Variants in NOS1 observed in about 807,000 individuals in gnomAD.
NOS1 encodes nitric oxide synthase 1.
NOS1 carries 51 observed loss-of-function variants against 164.5 expected under a neutral mutation model. That is an observed-to-expected ratio of 0.31 (90% confidence interval 0.25 to 0.39). The LOEUF (loss-of-function observed/expected upper bound fraction) is 0.39. Ranked by LOEUF, NOS1 falls within the 10% of genes least tolerant of loss-of-function variation. NOS1 has a pLI of 1.00. For missense variants in NOS1, 1,362 were observed against 1,885.6 expected, an observed-to-expected ratio of 0.72 and a Z score of 5.14; for synonymous variants, 719 against 745.8, an observed-to-expected ratio of 0.96 and a Z score of 0.59.
At position 117,213,838 on chromosome 12, in the gene NOS1, A is replaced by T. The variant is rs1416054980; in HGVS notation, c.*1471T>A. The T allele has an allele frequency of 9.1e-6, 9 of 985,150 alleles. No individual in the cohort carries two copies. In the South Asian group the frequency reaches 2.8e-4, roughly 31 times the overall value. The allele number at this position is 985,150 out of a possible 1,614,324, so 61.0% of individuals were successfully genotyped here. A position where few individuals can be genotyped will look rare whatever the true frequency, so the allele number is the denominator to read the frequency against. On this transcript the variant is annotated 3_prime_UTR_variant, in exon 29 of 29. Transcript: ENST00000317775. ...TGCCTGACACTAATTTGTAGTATTT[A>T]AAAAAGTATACAAAGGGATCCCTTC...
At chr12:117,360,973 CTGAGGCCGCCCGCTAGGAGGAAAA>C (rs1211647620) in intron 1 of NOS1, among the ~76,000 whole-genome samples, 77 of 152,184 alleles carry the variant, frequency 5.1e-4, no homozygotes, top group African/African-American at 1.7e-3. Context: ...AGCCCCCGGC[CTGAGGCCGCCCGCTAGGAGGAAAA>C]TGAGGCCGCC....
Position 117,243,547 on chromosome 12 carries a change from A to AGCC in NOS1, c.2824-113_2824-112insGGC. On this transcript the variant is annotated intron_variant, in intron 18 of 28. Transcript: ENST00000317775. The surrounding 1 kb of genome is among the most constrained non-coding windows in gnomAD (Gnocchi z 4.3). ...CATTCACCCATCCATCCATCTATCCAACCATCCATCCATCCATCCATCCAT... is the reference window on the plus strand; with the variant it reads ...CATTCACCCATCCATCCATCTATCCAGCCACCATCCATCCATCCATCCATCCAT... 6.7e-6 allele frequency: 8 copies of AGCC among 1,189,670 alleles called. No homozygotes were observed. Among genetic ancestry groups the AGCC allele is most frequent in the African/African-American group, 1.7e-5 (1 of 60,496 alleles). 73.7% of individuals were successfully genotyped at this position (1,189,670 alleles called of 1,614,324 possible). A position where few individuals can be genotyped will look rare whatever the true frequency, so the allele number is the denominator to read the frequency against.
At chr12:117,283,710 G>A (rs1318230581) in intron 7 of NOS1, among the ~76,000 whole-genome samples, 1 of 151,996 alleles carries the variant, frequency 6.6e-6, no homozygotes, top group East Asian at 1.9e-4. Flanking sequence ...ACAAAAATTA[G>A]CTGGGCATGG....
chr12:117,277,239 T>G (rs1873261070), intron 9 of NOS1, among the ~76,000 whole-genome samples: 1 of 151,918 alleles, frequency 6.6e-6, no homozygotes, highest in African/African-American at 2.4e-5. Context: ...GAGAACTGTT[T>G]ACAACTCTAT....
chr12:117,327,831 C>T (rs1343173032), intron 2 of NOS1, among the ~76,000 whole-genome samples: 2 of 152,096 alleles, frequency 1.3e-5, no homozygotes, highest in African/African-American at 4.8e-5. Flanking sequence ...TAAAGGGAGG[C>T]CAGTGACCCT....
At chr12:117,293,673 T>C (rs961753614) in intron 3 of NOS1, among the ~76,000 whole-genome samples, 3 of 151,630 alleles carry the variant, frequency 2.0e-5, no homozygotes, top group Non-Finnish European at 4.4e-5. Context: ...CTTGTATTAT[T>C]ATTACTACTT....
intron 2 of NOS1, among the ~76,000 whole-genome samples, chr12:117,312,523 C>T (rs898864367): frequency 2.6e-5 from 4 of 152,158 alleles, no homozygotes; most frequent in Non-Finnish European, 5.9e-5. Context: ...TCAAGTGATC[C>T]TCCTGCCTCA....
At chr12:117,305,779 C>T (rs1874109924) in intron 3 of NOS1, among the ~76,000 whole-genome samples, 1 of 150,316 alleles carries the variant, frequency 6.7e-6, no homozygotes, top group Admixed American at 6.6e-5. Context: ...GATGATTTCG[C>T]AGGCCCGTGA....
chr12:117,255,691 G>C (rs1037882523), intron 16 of NOS1, among the ~76,000 whole-genome samples: 15 of 152,160 alleles, frequency 9.9e-5, no homozygotes, highest in Admixed American at 3.9e-4. Context: ...ATTACCCTTT[G>C]ACCCTGCCAA....
intron 1 of NOS1, among the ~76,000 whole-genome samples, chr12:117,340,871 CTAT>C (rs1876071046): frequency 2.1e-5 from 2 of 96,434 alleles, no homozygotes; most frequent in South Asian, 3.6e-4. Context: ...TCACACCTGG[CTAT>C]TTTTTTTTTT....
At chr12:117,242,824 G>T (rs1027466902) in intron 19 of NOS1, 119 bp from the exon 20 acceptor site, 9 of 836,860 alleles carry the variant, frequency 1.1e-5, no homozygotes, top group Non-Finnish European at 1.2e-5. Context: ...GCTGAGGTGG[G>T]AGGATCACTT....
chr12:117,236,306 G>A (rs949088511), intron 20 of NOS1, among the ~76,000 whole-genome samples: 2 of 152,042 alleles, frequency 1.3e-5, no homozygotes, highest in Non-Finnish European at 2.9e-5. Context: ...AGCCCAATGG[G>A]ACTCGCTATT....
Position 117,210,139 on chromosome 12 carries a change from ATTTT to A in NOS1, c.*5166_*5169del, listed in dbSNP as rs146442744. 4.2e-3 allele frequency: 1,204 copies of A among 289,966 alleles called. No individual in the cohort carries two copies. Among genetic ancestry groups the A allele is most frequent in the Non-Finnish European group, 5.0e-3 (1,030 of 206,960 alleles). 18.0% of individuals were successfully genotyped at this position (289,966 alleles called of 1,614,324 possible). On this transcript the variant is annotated 3_prime_UTR_variant, in exon 29 of 29. Coordinates refer to ENST00000317775, the MANE Select transcript of NOS1 (RefSeq NM_000620.5). Reference sequence around the variant, plus strand: ...AGGAGCATGCCATCATGCCCAGCTAATTTTTTTTTTTTTTTTTTTTTAGTAGAGA... The same window carrying A: ...AGGAGCATGCCATCATGCCCAGCTAATTTTTTTTTTTTTTTTTAGTAGAGA...
rs1209673240 is a variant in NOS1 at position 117,253,596 on chromosome 12, T to C, written c.2648+42A>G. The C allele has an allele frequency of 2.9e-6, 4 of 1,389,110 alleles. No homozygotes were observed. In the Admixed American group the frequency reaches 5.2e-5, roughly 18 times the overall value. The allele number at this position is 1,389,110 out of a possible 1,614,324, so 86.0% of individuals were successfully genotyped here. On this transcript the variant is annotated intron_variant, in intron 17 of 28. Transcript: ENST00000317775. ...AAGTAGGTCAAGCTCCCCAGGAGCC[T>C]TAGTCTTCCCTGACCCCCGACCCCC...
At chr12:117,290,264 C>T (rs1472485385) in intron 4 of NOS1, 34 bp downstream of exon 4, 1 of 1,609,136 alleles carries the variant, frequency 6.2e-7, no homozygotes, top group Admixed American at 1.7e-5. Context: ...ATGAAGCTGC[C>T]ACCCTCTCAT....
intron 20 of NOS1, 78 bp downstream of exon 20, chr12:117,242,549 G>A: frequency 8.5e-7 from 1 of 1,176,604 alleles, no homozygotes; most frequent in Non-Finnish European, 1.3e-6. Context: ...AGTCCTTGGA[G>A]TCCACAGGGC....
intron 1 of NOS1, among the ~76,000 whole-genome samples, chr12:117,352,418 A>G (rs1876665444): frequency 6.6e-6 from 1 of 152,166 alleles, no homozygotes; most frequent in African/African-American, 2.4e-5. Context: ...AAGCTATTCC[A>G]GGAACAAACC....
chr12:117,342,425 A>G (rs1179485879), intron 1 of NOS1, among the ~76,000 whole-genome samples: 2 of 152,174 alleles, frequency 1.3e-5, no homozygotes, highest in Admixed American at 6.5e-5. Flanking sequence ...GGTGGTGGTC[A>G]GGGAAGGCTT....
intron 26 of NOS1, among the ~76,000 whole-genome samples, chr12:117,220,706 C>G (rs544789970): frequency 6.6e-6 from 1 of 152,188 alleles, no homozygotes; most frequent in South Asian, 2.1e-4. Flanking sequence ...AGCCCTGGGC[C>G]GATAGCAAGA....
Sources: allele counts gnomAD v4.1 joint callset (sites outside exome capture counted in the v4.1 genomes callset), GRCh38; gene constraint gnomAD v4.1.1; non-coding constraint Gnocchi (gnomAD v3.1); transcripts MANE v1.5; gene names NCBI Gene and HGNC (gene_info 2026-07-23, HGNC 2026-07-21).